Variants in TMEM156 observed in about 807,000 individuals in gnomAD.
The protein encoded by TMEM156 is transmembrane protein 156.
TMEM156 carries 28 observed loss-of-function variants against 30.5 expected under a neutral mutation model. The observed-to-expected ratio is 0.92, with a 90% CI of 0.68 to 1.26. TMEM156 has a LOEUF of 1.26. Ranked by LOEUF, TMEM156 falls within the 50% of genes most tolerant of loss-of-function variation. TMEM156 has a pLI of 0.00. For synonymous variants in TMEM156, 137 were observed against 119.9 expected (o/e 1.14, Z -0.93); for missense variants, 351 against 340.6 (o/e 1.03, Z -0.24).
chr4:39,019,029 AAAAC>A (rs1364005563), intron 1 of TMEM156, among the ~76,000 whole-genome samples: 3,051 of 29,782 alleles, frequency 0.1, 147 homozygotes, highest in African/African-American at 0.34. Context: ...TTAAAAAAAC[AAAAC>A]AAAAAAAAAA....
chr4:38,973,006 G>A (rs896460901), intron 5 of TMEM156, among the ~76,000 whole-genome samples: 14 of 152,102 alleles, frequency 9.2e-5, no homozygotes, highest in East Asian at 5.8e-4. Context: ...TAAATGAGTC[G>A]TAGCATTGAT....
intron 5 of TMEM156, among the ~76,000 whole-genome samples, chr4:38,972,924 T>C (rs965630598): frequency 5.9e-5 from 9 of 152,248 alleles, no homozygotes; most frequent in African/African-American, 2.2e-4. Context: ...TACATTTTTT[T>C]CCACATAGTC....
chr4:39,023,005 T>C (rs548126368), intron 1 of TMEM156, among the ~76,000 whole-genome samples: 3 of 152,352 alleles, frequency 2.0e-5, no homozygotes, highest in African/African-American at 7.2e-5. Flanking sequence ...TAACCGTTTG[T>C]GTACCCCTAA....
intron 1 of TMEM156, among the ~76,000 whole-genome samples, chr4:39,027,779 A>G (rs1350854348): frequency 7.7e-6 from 1 of 130,108 alleles, no homozygotes; most frequent in Non-Finnish European, 1.6e-5. Context: ...TTTTTTGAGA[A>G]GAAGTCTCGC....
At chr4:39,012,255 T>C (rs1714177394) in intron 1 of TMEM156, among the ~76,000 whole-genome samples, 1 of 152,200 alleles carries the variant, frequency 6.6e-6, no homozygotes, top group African/African-American at 2.4e-5. Context: ...ATCTAGATGC[T>C]TCAAAATCAC....
chr4:39,020,408 CT>C (rs1012852696), intron 1 of TMEM156, among the ~76,000 whole-genome samples: 2 of 151,842 alleles, frequency 1.3e-5, no homozygotes, highest in African/African-American at 4.8e-5. Context: ...GGTAGTTCTA[CT>C]TTTTTTTAAA....
At chr4:39,011,643 A>G (rs1409046412) in intron 1 of TMEM156, among the ~76,000 whole-genome samples, 1 of 152,042 alleles carries the variant, frequency 6.6e-6, no homozygotes, top group Non-Finnish European at 1.5e-5. Flanking sequence ...GCATGGTGGC[A>G]AGGACCTGTA....
chr4:38,975,757 T>C (rs1433606427), intron 5 of TMEM156, among the ~76,000 whole-genome samples: 1 of 152,090 alleles, frequency 6.6e-6, no homozygotes, highest in East Asian at 1.9e-4. Context: ...TGATGTGCAA[T>C]ACTCATTATA....
chr4:38,984,987 T>C (rs1270157359), intron 5 of TMEM156, among the ~76,000 whole-genome samples: 1 of 129,492 alleles, frequency 7.7e-6, no homozygotes, highest in African/African-American at 2.8e-5. Context: ...CCCTCGACTA[T>C]ATGGGTTGAC....
chr4:38,992,833 C>T (rs1203437570), intron 3 of TMEM156, among the ~76,000 whole-genome samples: 1 of 148,678 alleles, frequency 6.7e-6, no homozygotes, highest in African/African-American at 2.5e-5. Context: ...GCGATCTCGG[C>T]TCACTGTAAC....
intron 6 of TMEM156, among the ~76,000 whole-genome samples, chr4:38,970,669 AT>A (rs1348268391): frequency 6.6e-6 from 1 of 152,226 alleles, no homozygotes; most frequent in African/African-American, 2.4e-5. Flanking sequence ...AGAAGTTTTT[AT>A]TTCAATAATT....
At chr4:39,012,008 A>T (rs1475850392) in intron 1 of TMEM156, among the ~76,000 whole-genome samples, 1 of 152,190 alleles carries the variant, frequency 6.6e-6, no homozygotes, top group African/African-American at 2.4e-5. Flanking sequence ...GACACTGGGT[A>T]TTCCCAAAGT....
chr4:39,029,970 T>C (rs1481470705), intron 1 of TMEM156, among the ~76,000 whole-genome samples: 1 of 152,220 alleles, frequency 6.6e-6, no homozygotes, highest in African/African-American at 2.4e-5. Context: ...CAAAATTCCT[T>C]CTACCACTAA....
chr4:39,016,047 TTTCCAG>T (rs1714459680), intron 1 of TMEM156, among the ~76,000 whole-genome samples: 1 of 152,184 alleles, frequency 6.6e-6, no homozygotes, highest in Non-Finnish European at 1.5e-5. Flanking sequence ...CATATGAATC[TTTCCAG>T]TGGTTTATCC....
chr4:38,975,707 G>A (rs1053561994), intron 5 of TMEM156, among the ~76,000 whole-genome samples: 2 of 152,074 alleles, frequency 1.3e-5, no homozygotes, highest in African/African-American at 2.4e-5. Flanking sequence ...AAGAATGGCT[G>A]TGGATCATTC....
chr4:39,026,368 A>C (rs908521116), intron 1 of TMEM156, among the ~76,000 whole-genome samples: 1 of 72,460 alleles, frequency 1.4e-5, no homozygotes, highest in Admixed American at 1.6e-4. Flanking sequence ...TTTTTTTAAA[A>C]AATTAAAAAA....
chr4:39,004,919 C>T (rs1713623575), intron 1 of TMEM156, among the ~76,000 whole-genome samples: 1 of 152,092 alleles, frequency 6.6e-6, no homozygotes, highest in East Asian at 1.9e-4. Context: ...CACATGAAGA[C>T]CTGTACGTGA....
intron 1 of TMEM156, among the ~76,000 whole-genome samples, chr4:39,001,214 C>CAAAA (rs34945666): frequency 6.1e-5 from 7 of 115,070 alleles, no homozygotes; most frequent in African/African-American, 1.8e-4. Flanking sequence ...ACTAAAAATA[C>CAAAA]AAAAAAAAAA....
chr4:38,990,830 G>GTTTTTTTTTTTTGTTTTTT (rs1560365255), intron 3 of TMEM156, among the ~76,000 whole-genome samples: 5 of 81,216 alleles, frequency 6.2e-5, no homozygotes, highest in African/African-American at 2.3e-4. Context: ...TTGTTTTCTG[G>GTTTTTTTTTTTTGTTTTTT]TTTTTTTTTT....
Sources: gnomAD v4.1 joint callset for allele counts (sites outside exome capture counted in the v4.1 genomes callset) on GRCh38, gnomAD v4.1.1 for gene constraint, MANE v1.5 for transcripts, NCBI Gene and HGNC (gene_info 2026-07-23, HGNC 2026-07-21) for gene names.